ZFHX3: variants seen among roughly 807,000 people sequenced by gnomAD.
ZFHX3 encodes the protein zinc finger homeobox 3, also known as zinc finger homeobox protein 3.
Under a neutral mutation model 279.1 loss-of-function variants are expected in ZFHX3, and 42 were observed. The ratio of observed to expected loss-of-function variants is 0.15; its 90% CI spans 0.12 to 0.19. ZFHX3 has a LOEUF of 0.19. ZFHX3 is among the 10% of genes least tolerant of loss of function. ZFHX3 has a pLI of 1.00. For synonymous variants in ZFHX3, 2,293 were observed against 1,957.8 expected (o/e 1.17, Z -4.52); for missense variants, 4,981 against 4,754.0 (o/e 1.05, Z -1.40).
chr16:73,711,146 C>A (rs918644750), intron 1 of ZFHX3, among the ~76,000 whole-genome samples: 1 of 152,138 alleles, frequency 6.6e-6, no homozygotes, highest in East Asian at 1.9e-4. Flanking sequence ...AAGGGTTTAA[C>A]TGTATCCATT....
intron 1 of ZFHX3, among the ~76,000 whole-genome samples, chr16:73,789,747 G>T (rs1959766631): frequency 6.6e-6 from 1 of 151,940 alleles, no homozygotes; most frequent in Non-Finnish European, 1.5e-5. Flanking sequence ...GTGCTTCTTG[G>T]GCTTCAAAAA....
intron 1 of ZFHX3, among the ~76,000 whole-genome samples, chr16:73,713,620 G>C (rs1266049162): frequency 1.3e-5 from 2 of 150,986 alleles, no homozygotes; most frequent in African/African-American, 4.9e-5. Context: ...GCACAGAAAA[G>C]ATATTAGCTT....
intron 6 of ZFHX3, among the ~76,000 whole-genome samples, chr16:73,142,635 G>A (rs549451145): frequency 6.6e-6 from 1 of 152,378 alleles, no homozygotes; most frequent in East Asian, 1.9e-4. Flanking sequence ...ATGACGGGTA[G>A]TGTGGAATGT....
At chr16:73,687,314 C>T (rs1336962373) in intron 1 of ZFHX3, among the ~76,000 whole-genome samples, 3 of 150,466 alleles carry the variant, frequency 2.0e-5, no homozygotes, top group Admixed American at 6.6e-5. Flanking sequence ...ATCACTTGAG[C>T]TTGGGAGGTG....
chr16:73,736,499 T>C (rs1317769131), intron 1 of ZFHX3, among the ~76,000 whole-genome samples: 4 of 152,216 alleles, frequency 2.6e-5, no homozygotes, highest in African/African-American at 7.2e-5. Context: ...CTGAATTTCA[T>C]AGCCACTTTG....
chr16:73,761,089 C>G (rs1322410440), intron 1 of ZFHX3, among the ~76,000 whole-genome samples: 1 of 151,936 alleles, frequency 6.6e-6, no homozygotes, highest in African/African-American at 2.4e-5. Context: ...AAAACCTCAT[C>G]ATCTCAGCCC....
At chr16:73,781,710 C>G (rs138566717) in intron 1 of ZFHX3, among the ~76,000 whole-genome samples, 3 of 152,108 alleles carry the variant, frequency 2.0e-5, no homozygotes, top group Non-Finnish European at 4.4e-5. Flanking sequence ...AACAAGAGGT[C>G]GGGCGTGGTG....
chr16:73,097,144 C>T (rs1966174136), intron 7 of ZFHX3, among the ~76,000 whole-genome samples: 1 of 152,080 alleles, frequency 6.6e-6, no homozygotes, highest in Non-Finnish European at 1.5e-5. Flanking sequence ...GCCTCAACCT[C>T]CCAGGCTCAA....
intron 2 of ZFHX3, among the ~76,000 whole-genome samples, chr16:73,501,828 G>C (rs1309591862): frequency 6.6e-6 from 1 of 152,164 alleles, no homozygotes; most frequent in Non-Finnish European, 1.5e-5. Flanking sequence ...TTTGGAAGCT[G>C]TTCCTGGCAT....
At chr16:73,322,034 A>G (rs567481826) in intron 3 of ZFHX3, among the ~76,000 whole-genome samples, 11 of 152,316 alleles carry the variant, frequency 7.2e-5, no homozygotes, top group African/African-American at 2.6e-4. Context: ...CCCAACCAAA[A>G]GGCATCAAAG....
chr16:73,498,450 T>C (rs538672263), intron 2 of ZFHX3, among the ~76,000 whole-genome samples: 42 of 152,294 alleles, frequency 2.8e-4, no homozygotes, highest in African/African-American at 9.4e-4. Flanking sequence ...TATTATATGT[T>C]TGCACACATC....
intron 1 of ZFHX3, among the ~76,000 whole-genome samples, chr16:72,990,164 G>A (rs1963027210): frequency 6.6e-6 from 1 of 152,176 alleles, no homozygotes; most frequent in African/African-American, 2.4e-5. Context: ...AACTGCAGGA[G>A]GGTGGGGAAG....
At chr16:73,108,333 T>C (rs746530284) in intron 7 of ZFHX3, among the ~76,000 whole-genome samples, 1 of 147,296 alleles carries the variant, frequency 6.8e-6, no homozygotes, top group Non-Finnish European at 1.5e-5. Context: ...GACCTTACCT[T>C]AAAAAAAAAA....
chr16:73,211,599 C>G (rs570702265), intron 5 of ZFHX3, among the ~76,000 whole-genome samples: 4 of 152,092 alleles, frequency 2.6e-5, no homozygotes, highest in South Asian at 2.1e-4. Context: ...CCTGGTGGAG[C>G]CTATTTAGTG....
chr16:73,363,160 A>C (rs117071316), intron 3 of ZFHX3, among the ~76,000 whole-genome samples: 44 of 152,326 alleles, frequency 2.9e-4, no homozygotes, highest in Non-Finnish European at 6.0e-4. Flanking sequence ...GTCCCCAGCC[A>C]ACCTACCATT....
At chr16:72,804,561 A>G (rs2036206075) in intron 7 of ZFHX3, among the ~76,000 whole-genome samples, 1 of 152,186 alleles carries the variant, frequency 6.6e-6, no homozygotes, top group Non-Finnish European at 1.5e-5. Flanking sequence ...ACATAGTTCC[A>G]AGCTCTTCCT....
At chr16:73,395,638 T>A (rs1188309326) in intron 3 of ZFHX3, among the ~76,000 whole-genome samples, 2 of 152,012 alleles carry the variant, frequency 1.3e-5, no homozygotes, top group Admixed American at 1.3e-4. Context: ...TATTAGCAAA[T>A]GGATTATTTT....
chr16:73,592,633 G>T (rs2052011224), intron 2 of ZFHX3, among the ~76,000 whole-genome samples: 1 of 152,136 alleles, frequency 6.6e-6, no homozygotes, highest in Non-Finnish European at 1.5e-5. Context: ...GAATGAAACA[G>T]ATTGACCATA....
At position 72,959,397 on chromosome 16, in the gene ZFHX3, G is replaced by C. The variant is rs757253455; in HGVS notation, c.749C>G (p.Ser250Cys). Reference sequence around the variant, plus strand: ...TTTGGATACGCAGGAGCTTTTGGCAGAACCGTCGCTGTTCAGGTAATCCTT... The same window carrying C: ...TTTGGATACGCAGGAGCTTTTGGCACAACCGTCGCTGTTCAGGTAATCCTT... The part of the protein sequence containing the change: ...SNKDYLNSDG[S>C]AKSSCVSKDV... The change falls in exon 2 of 10, where the codon TCT becomes TGT. Residue 250 changes from serine to cysteine, a missense_variant. Coordinates refer to ENST00000268489, the MANE Select transcript of ZFHX3 (RefSeq NM_006885.4). 8.1e-6 allele frequency: 13 copies of C among 1,614,224 alleles called. No homozygotes were observed. In the South Asian group the frequency reaches 1.4e-4, roughly 18 times the overall value.
Sources: allele counts gnomAD v4.1 joint callset (sites outside exome capture counted in the v4.1 genomes callset), GRCh38; gene constraint gnomAD v4.1.1; transcripts MANE v1.5; gene names NCBI Gene and HGNC (gene_info 2026-07-23, HGNC 2026-07-21).